CSMD1: variants seen among roughly 807,000 people sequenced by gnomAD.
CSMD1 encodes the protein CUB and sushi domain-containing protein 1.
Under a neutral mutation model 417.5 loss-of-function variants are expected in CSMD1, and 213 were observed. The ratio of observed to expected loss-of-function variants is 0.51; its 90% confidence interval spans 0.46 to 0.57. The LOEUF is 0.57. Among genes scored for constraint, CSMD1 ranks in the 20% least tolerant of loss-of-function variants. The pLI is 0.00. For missense variants in CSMD1, 6,923 were observed against 4,529.7 expected (o/e 1.53, Z -15.17); for synonymous variants, 2,862 against 1,736.8 (o/e 1.65, Z -16.11).
At chr8:4,835,457 G>A (rs1324715767) in intron 1 of CSMD1, among the ~76,000 whole-genome samples, 1 of 152,162 alleles carries the variant, frequency 6.6e-6, no homozygotes, top group African/African-American at 2.4e-5. Flanking sequence ...TGGAACTAAA[G>A]GGAGAGACAG....
chr8:4,356,785 G>C (rs891886104), intron 3 of CSMD1, among the ~76,000 whole-genome samples: 1 of 152,134 alleles, frequency 6.6e-6, no homozygotes, highest in East Asian at 1.9e-4. Flanking sequence ...TCTCAAAGCA[G>C]TCTTGCAGGC....
At chr8:3,772,751 C>T (rs1177761760) in intron 5 of CSMD1, among the ~76,000 whole-genome samples, 1 of 149,326 alleles carries the variant, frequency 6.7e-6, no homozygotes, top group East Asian at 1.9e-4. Flanking sequence ...TACCTTCATT[C>T]AGCAAATATT....
At chr8:3,009,067 T>C (rs974926319) in intron 52 of CSMD1, among the ~76,000 whole-genome samples, 1 of 152,236 alleles carries the variant, frequency 6.6e-6, no homozygotes, top group African/African-American at 2.4e-5. Flanking sequence ...GTTGCCACAA[T>C]GTCTCCCATG....
intron 37 of CSMD1, among the ~76,000 whole-genome samples, chr8:3,175,479 T>TTCCTTCCTTCCTGCCTG (rs71513024): frequency 2.5e-4 from 7 of 27,686 alleles, no homozygotes; most frequent in African/African-American, 5.5e-4. Context: ...TCTTTTCCCT[T>TTCCTTCCTTCCTGCCTG]CCTTCCTGCC....
chr8:3,509,388 C>T (rs1007821797), intron 10 of CSMD1, among the ~76,000 whole-genome samples: 2 of 152,158 alleles, frequency 1.3e-5, no homozygotes, highest in African/African-American at 2.4e-5. Flanking sequence ...TAATCCATTG[C>T]TATTAAATAC....
intron 2 of CSMD1, among the ~76,000 whole-genome samples, chr8:4,569,505 A>G (rs959106234): frequency 6.6e-6 from 1 of 152,038 alleles, no homozygotes; most frequent in Admixed American, 6.6e-5. Flanking sequence ...TGGTCTCTAT[A>G]TCTGTTTTGG....
intron 23 of CSMD1, among the ~76,000 whole-genome samples, chr8:3,309,280 C>T (rs1257281782): frequency 1.3e-5 from 2 of 152,002 alleles, no homozygotes; most frequent in African/African-American, 4.8e-5. Flanking sequence ...CCCACCTTCC[C>T]GACAACTTCT....
At chr8:4,007,391 G>T (rs1428055884) in intron 4 of CSMD1, among the ~76,000 whole-genome samples, 2 of 152,118 alleles carry the variant, frequency 1.3e-5, no homozygotes, top group African/African-American at 2.4e-5. Flanking sequence ...TGGGGCCAGG[G>T]CACCTATGTT....
At chr8:4,628,681 G>A (rs1802310871) in intron 2 of CSMD1, among the ~76,000 whole-genome samples, 1 of 151,606 alleles carries the variant, frequency 6.6e-6, no homozygotes, top group African/African-American at 2.4e-5. Flanking sequence ...CTGGATGAAG[G>A]CAGTATTTTT....
At chr8:4,318,662 T>G (rs928998947) in intron 3 of CSMD1, among the ~76,000 whole-genome samples, 3 of 144,664 alleles carry the variant, frequency 2.1e-5, no homozygotes, top group Admixed American at 7.1e-5. Context: ...CACTGATTGT[T>G]TTTGATATCA....
chr8:4,639,398 T>G (rs1020825502), intron 1 of CSMD1, among the ~76,000 whole-genome samples: 1 of 152,058 alleles, frequency 6.6e-6, no homozygotes, highest in Non-Finnish European at 1.5e-5. Context: ...ATAAACACAC[T>G]CTGCTCATGT....
At chr8:3,259,076 T>C (rs1360081514) in intron 26 of CSMD1, among the ~76,000 whole-genome samples, 1 of 152,156 alleles carries the variant, frequency 6.6e-6, no homozygotes, top group African/African-American at 2.4e-5. Flanking sequence ...ACCTGCTACT[T>C]ATATATAAAG....
chr8:4,554,930 G>A (rs368831359), intron 2 of CSMD1, among the ~76,000 whole-genome samples: 28 of 152,138 alleles, frequency 1.8e-4, no homozygotes, highest in African/African-American at 5.8e-4. Flanking sequence ...TCTAGGCAAC[G>A]AATTCCTGTG....
At position 4,422,319 on chromosome 8, in the gene CSMD1, T is replaced by C. The variant is rs190820565; in HGVS notation, c.303-2254A>G. ...TGACACTACCCTTTCCCTTATGGGC[T>C]GAATTATGCTCCTCCCACCAATTCA... On this transcript the variant is annotated intron_variant, in intron 2 of 69. Coordinates refer to ENST00000635120, the MANE Select transcript of CSMD1 (RefSeq NM_033225.6). Among the ~76,000 whole-genome samples the C allele has an allele frequency of 3.9e-5, 6 of 152,230 alleles. No homozygotes were observed. In the East Asian group the frequency reaches 1.2e-3, roughly 29 times the overall value.
At position 3,536,884 on chromosome 8, in the gene CSMD1, A is replaced by C. The variant is rs533306737; in HGVS notation, c.1344+38061T>G. ...CAGATAAGAATCCCAGGTAGAGAAA[A>C]TTAAATCTAGTTTAGAAGGATTTAT... On this transcript the variant is annotated intron_variant, in intron 10 of 69. Coordinates refer to ENST00000635120, the MANE Select transcript of CSMD1 (RefSeq NM_033225.6). Among the ~76,000 whole-genome samples, 3 of 152,318 alleles carry C rather than the reference A, an allele frequency of 2.0e-5. No individual in the cohort carries two copies. In the South Asian group the frequency reaches 6.2e-4, roughly 32 times the overall value.
At chr8:3,599,127 G>GTC (rs1801233190) in intron 8 of CSMD1, among the ~76,000 whole-genome samples, 1 of 130,926 alleles carries the variant, frequency 7.6e-6, no homozygotes, top group African/African-American at 3.6e-5. Context: ...GCTTACTGCT[G>GTC]TGTGTGTGTG....
At position 3,807,940 on chromosome 8, in the gene CSMD1, G is replaced by C. The variant is rs552864583; in HGVS notation, c.819-53898C>G. ...AAATAAATTGTAATTTTTGAGGCTAGGTGGCTTGCATAACTTGTCAAACAA... is the reference window on the plus strand; with the variant it reads ...AAATAAATTGTAATTTTTGAGGCTACGTGGCTTGCATAACTTGTCAAACAA... On this transcript the variant is annotated intron_variant, in intron 5 of 69. Coordinates refer to ENST00000635120, the MANE Select transcript of CSMD1 (RefSeq NM_033225.6). 7.9e-5 allele frequency among the ~76,000 whole-genome samples: 12 copies of C among 152,272 alleles called. No individual in the cohort carries two copies. The South Asian group carries it at 1.0e-3, about 13-fold the overall frequency.
In CSMD1 at chr8:3,586,277, G is replaced by GAAAA; in HGVS notation, c.1098-21_1098-18dup. ...GCACCAACCCTAAGCCGTTAAAAAA[G>GAAAA]AAAAAAAAAAACCCAAATTATTTAC... On this transcript the variant is annotated splice_polypyrimidine_tract_variant and intron_variant, in intron 8 of 69. Transcript: ENST00000635120. The GAAAA allele has an allele frequency of 8.7e-6, 12 of 1,377,678 alleles. No homozygotes were observed. Among genetic ancestry groups the GAAAA allele is most frequent in the African/African-American group, 1.6e-5 (1 of 64,104 alleles). The allele number at this position is 1,377,678 out of a possible 1,614,324, so 85.3% of individuals were successfully genotyped here. A position where few individuals can be genotyped will look rare whatever the true frequency, so the allele number is the denominator to read the frequency against.
chr8:3,254,600 T>A (rs981662533), intron 26 of CSMD1, among the ~76,000 whole-genome samples: 23 of 152,310 alleles, frequency 1.5e-4, no homozygotes, highest in African/African-American at 5.3e-4. Flanking sequence ...AAACTTCTCT[T>A]CTCACTTCAT....
Sources: gnomAD v4.1 joint callset for allele counts (sites outside exome capture counted in the v4.1 genomes callset) on GRCh38, gnomAD v4.1.1 for gene constraint, MANE v1.5 for transcripts, NCBI Gene and HGNC (gene_info 2026-07-23, HGNC 2026-07-21) for gene names.